TRAPPC6B: variants seen among roughly 807,000 people sequenced by gnomAD.
The protein encoded by TRAPPC6B is TRAPP complex subunit 6B.
In TRAPPC6B, 27 loss-of-function variants were observed where a neutral mutation model predicts 24.7. That is an observed-to-expected ratio of 1.09 (90% CI 0.81 to 1.51). The LOEUF is 1.51. Ranked by LOEUF, TRAPPC6B falls within the 40% of genes most tolerant of loss-of-function variation. The pLI, the probability that TRAPPC6B is intolerant of heterozygous loss-of-function variation, is 0.00. For synonymous variants in TRAPPC6B, 80 were observed against 66.6 expected (o/e 1.20, Z -0.98); for missense variants, 212 against 190.8 (o/e 1.11, Z -0.66).
At chr14:39,163,125 C>A (rs2053076085) in intron 1 of TRAPPC6B, among the ~76,000 whole-genome samples, 1 of 150,620 alleles carries the variant, frequency 6.6e-6, no homozygotes. Context: ...GTAATCCCAG[C>A]ATTTGGAAGG....
chr14:39,166,605 A>G (rs1333106548), intron 1 of TRAPPC6B, among the ~76,000 whole-genome samples: 2 of 152,106 alleles, frequency 1.3e-5, no homozygotes, highest in South Asian at 2.1e-4. Context: ...ATGAAAGACT[A>G]TAAGGTTAGG....
chr14:39,170,008 C>T lies in TRAPPC6B; in HGVS notation c.81+7G>A. The stretch of plus-strand genomic sequence containing the variant: ...AAAGGACCTCAAGGTTGTGTGGCAG[C>T]ACTCACCACCTCCCCCTGCTCCGCG... On this transcript the variant is annotated splice_region_variant and intron_variant, in intron 1 of 5. Coordinates refer to ENST00000330149, the MANE Select transcript of TRAPPC6B (RefSeq NM_001079537.2). 1 of 1,613,938 alleles carries T rather than the reference C, an allele frequency of 6.2e-7. No individual in the cohort carries two copies. The highest frequency in any genetic ancestry group is 1.1e-5 in the South Asian group (1 of 91,080).
At chr14:39,159,042 T>C (rs2053021450) in intron 2 of TRAPPC6B, 1 of 152,602 alleles carries the variant, frequency 6.6e-6, no homozygotes. Context: ...AGTTTAACTA[T>C]TCAGGTAGTG....
At chr14:39,158,199 T>C in intron 3 of TRAPPC6B, 86 bp downstream of exon 3, 1 of 741,362 alleles carries the variant, frequency 1.3e-6, no homozygotes, top group East Asian at 2.8e-5. Flanking sequence ...CCAGAAATTA[T>C]TTTAGGTTTT....
At chr14:39,166,368 G>A (rs1426932192) in intron 1 of TRAPPC6B, among the ~76,000 whole-genome samples, 1 of 151,946 alleles carries the variant, frequency 6.6e-6, no homozygotes, top group Admixed American at 6.6e-5. Context: ...ATATTTATTA[G>A]CAGGAACTAT....
intron 1 of TRAPPC6B, 44 bp downstream of exon 1, chr14:39,169,971 T>C: frequency 6.3e-7 from 1 of 1,591,894 alleles, no homozygotes; most frequent in Non-Finnish European, 8.6e-7. Flanking sequence ...GGAAACAAGG[T>C]GTGTCACCGC....
intron 3 of TRAPPC6B, among the ~76,000 whole-genome samples, chr14:39,157,003 G>A (rs572393207): frequency 1.8e-4 from 27 of 151,978 alleles, no homozygotes; most frequent in African/African-American, 6.5e-4. Flanking sequence ...CCAGCTACCT[G>A]GGAGCCTGAG....
At position 39,149,552 on chromosome 14, in the gene TRAPPC6B, A is replaced by G. The variant is rs2052891017; in HGVS notation, c.*798T>C. On this transcript the variant is annotated 3_prime_UTR_variant, in exon 6 of 6. Transcript: ENST00000330149. ...AAAGAATGTCAGAATGACTAATTCA[A>G]TTATCCAACTCTGCTCAGCTGGAAG... 6.6e-6 allele frequency: 1 copy of G among 152,228 alleles called. No homozygotes were observed. The highest frequency in any genetic ancestry group is 2.4e-5 in the African/African-American group (1 of 41,460). 9.4% of individuals were successfully genotyped at this position (152,228 alleles called of 1,614,324 possible).
At chr14:39,151,661 A>C in intron 5 of TRAPPC6B, 85 bp downstream of exon 5, 1 of 989,330 alleles carries the variant, frequency 1.0e-6, no homozygotes, top group Non-Finnish European at 1.5e-6. Context: ...CAGCATTTTA[A>C]ATTTCCTCTC....
At chr14:39,164,106 C>G (rs2053084394) in intron 1 of TRAPPC6B, among the ~76,000 whole-genome samples, 1 of 143,522 alleles carries the variant, frequency 7.0e-6, no homozygotes, top group Non-Finnish European at 1.5e-5. Flanking sequence ...TTAGCTATAG[C>G]TTTCCAACTG....
chr14:39,150,281 C>T lies in TRAPPC6B; in HGVS notation c.*69G>A, dbSNP rs2052896907. On this transcript the variant is annotated 3_prime_UTR_variant, in exon 6 of 6. Coordinates refer to ENST00000330149, the MANE Select transcript of TRAPPC6B (RefSeq NM_001079537.2). ...ATCGAACAATGTAATTAAATCATCA[C>T]TACTTGAAATACTTTTACATGAATA... The T allele has an allele frequency of 3.9e-6, 5 of 1,284,424 alleles. No individual in the cohort carries two copies. Among genetic ancestry groups the T allele is most frequent in the South Asian group, 1.3e-5 (1 of 76,320 alleles). The allele number at this position is 1,284,424 out of a possible 1,614,324, so 79.6% of individuals were successfully genotyped here. A position where few individuals can be genotyped will look rare whatever the true frequency, so the allele number is the denominator to read the frequency against.
chr14:39,165,977 T>C (rs534095845), intron 1 of TRAPPC6B, among the ~76,000 whole-genome samples: 1 of 152,296 alleles, frequency 6.6e-6, no homozygotes, highest in East Asian at 1.9e-4. Context: ...CTATTTTTTG[T>C]ATTTTTAGTA....
intron 4 of TRAPPC6B, among the ~76,000 whole-genome samples, chr14:39,153,221 G>A (rs1384755561): frequency 6.6e-6 from 1 of 150,784 alleles, no homozygotes; most frequent in Non-Finnish European, 1.5e-5. Context: ...GAACCCAGGA[G>A]GCAGAGGTTG....
chr14:39,169,917 G>T (rs780909001), intron 1 of TRAPPC6B, 98 bp downstream of exon 1: 9 of 1,181,276 alleles, frequency 7.6e-6, no homozygotes, highest in Non-Finnish European at 1.0e-5. Flanking sequence ...ACCTCGGGAG[G>T]CGTCGGGTGG....
Position 39,148,262 on chromosome 14 carries a change from A to T in TRAPPC6B, c.*2088T>A. 6.0e-6 allele frequency: 1 copy of T among 166,470 alleles called. No homozygotes were observed. Among genetic ancestry groups the T allele is most frequent in the Non-Finnish European group, 1.3e-5 (1 of 77,722 alleles). 10.3% of individuals were successfully genotyped at this position (166,470 alleles called of 1,614,324 possible). A position where few individuals can be genotyped will look rare whatever the true frequency, so the allele number is the denominator to read the frequency against. The stretch of plus-strand genomic sequence containing the variant: ...TCCCTAACTTGTATCAATTGTTAAG[A>T]GCAACAGAAAATTTCTTATTCAAAG... On this transcript the variant is annotated 3_prime_UTR_variant, in exon 6 of 6. Coordinates refer to ENST00000330149, the MANE Select transcript of TRAPPC6B (RefSeq NM_001079537.2).
Position 39,170,170 on chromosome 14 carries a change from G to A in TRAPPC6B, c.-75C>T. On this transcript the variant is annotated 5_prime_UTR_variant, in exon 1 of 6. Coordinates refer to ENST00000330149, the MANE Select transcript of TRAPPC6B (RefSeq NM_001079537.2). ...TCTGGGGGTTCCAGCTCGCGCCTCAGCGACTTCGCCGGCGCCGCGGCTCCG... is the reference window on the plus strand; with the variant it reads ...TCTGGGGGTTCCAGCTCGCGCCTCAACGACTTCGCCGGCGCCGCGGCTCCG... 3 of 1,499,852 alleles carry A rather than the reference G, an allele frequency of 2.0e-6. No individual in the cohort carries two copies. The highest frequency in any genetic ancestry group is 2.8e-6 in the Non-Finnish European group (3 of 1,088,472). The allele number at this position is 1,499,852 out of a possible 1,614,324, so 92.9% of individuals were successfully genotyped here.
At chr14:39,167,574 A>G (rs749414699) in intron 1 of TRAPPC6B, among the ~76,000 whole-genome samples, 1 of 152,180 alleles carries the variant, frequency 6.6e-6, no homozygotes, top group Non-Finnish European at 1.5e-5. Context: ...TCATGATGAA[A>G]AATTTCAAGC....
In TRAPPC6B at chr14:39,151,818, A is replaced by G. The variant is rs778900128; in HGVS notation, c.373T>C (p.Leu125=). 1 of 1,607,584 alleles carries G rather than the reference A, an allele frequency of 6.2e-7. No homozygotes were observed. Among genetic ancestry groups the G allele is most frequent in the Non-Finnish European group, 8.5e-7 (1 of 1,178,098 alleles). The change falls in exon 5 of 6, where the codon TTA becomes CTA. Residue 125 remains leucine (L), a synonymous_variant. Coordinates refer to ENST00000330149, the MANE Select transcript of TRAPPC6B (RefSeq NM_001079537.2). The stretch of plus-strand genomic sequence containing the variant: ...AAGTTTGATAAGCCACCTCTGATTA[A>G]GCCACACGTAAATGCTAAATACTAA... ...ASKYLAFTCG[L]IRGGLSNLGI... is the part of the protein sequence containing the mutation.
intron 1 of TRAPPC6B, 78 bp from the exon 2 acceptor site, chr14:39,159,628 G>T: frequency 1.9e-6 from 2 of 1,071,634 alleles, no homozygotes; most frequent in South Asian, 3.3e-5. Flanking sequence ...TACAAGATTG[G>T]TTAAAAATAT....
Sources: allele counts gnomAD v4.1 joint callset (sites outside exome capture counted in the v4.1 genomes callset), GRCh38; gene constraint gnomAD v4.1.1; transcripts MANE v1.5; gene names NCBI Gene and HGNC (gene_info 2026-07-23, HGNC 2026-07-21).